The following APIP variants were observed in gnomAD, a reference collection of about 807,000 sequenced individuals.
APIP encodes the protein APAF1 interacting protein, also known as methylthioribulose-1-phosphate dehydratase.
In APIP, 32 loss-of-function variants were observed where a neutral mutation model predicts 32.0. The ratio of observed to expected loss-of-function variants is 1.00; its 90% CI spans 0.76 to 1.34. The LOEUF is 1.34. Among genes scored for constraint, APIP ranks in the 40% most tolerant of loss-of-function variants. The pLI is 0.00. For missense variants in APIP, 247 were observed against 298.6 expected (o/e 0.83, Z 1.27); for synonymous variants, 92 against 94.8 (o/e 0.97, Z 0.17).
intron 5 of APIP, among the ~76,000 whole-genome samples, chr11:34,884,733 A>ACC (rs1554979767): frequency 0.22 from 33,568 of 151,666 alleles, 4,858 homozygotes; most frequent in Non-Finnish European, 0.33. Context: ...CAAAAAAAAA[A>ACC]GAAAAAAGTA....
chr11:34,901,599 A>T (rs1409021040), intron 1 of APIP, among the ~76,000 whole-genome samples: 3 of 152,106 alleles, frequency 2.0e-5, no homozygotes, highest in African/African-American at 4.8e-5. Flanking sequence ...TTCTAACCTG[A>T]TATTTTTCTC....
At chr11:34,888,522 A>G in intron 4 of APIP, 94 bp from the exon 5 acceptor site, 2 of 1,529,080 alleles carry the variant, frequency 1.3e-6, no homozygotes, top group Non-Finnish European at 1.7e-6. Context: ...ATATTTACAT[A>G]TGGTTATGGG....
intron 1 of APIP, among the ~76,000 whole-genome samples, chr11:34,912,557 G>A (rs1487132103): frequency 6.6e-6 from 1 of 152,198 alleles, no homozygotes; most frequent in African/African-American, 2.4e-5. Flanking sequence ...AACATTTTGA[G>A]TCAGTGGGCT....
chr11:34,912,138 T>C (rs1295191830), intron 1 of APIP, among the ~76,000 whole-genome samples: 4 of 152,164 alleles, frequency 2.6e-5, no homozygotes, highest in African/African-American at 9.7e-5. Flanking sequence ...CAGAGATTAT[T>C]GTCATAAGCT....
chr11:34,911,111 T>C (rs79612114), intron 1 of APIP, among the ~76,000 whole-genome samples: 1 of 151,992 alleles, frequency 6.6e-6, no homozygotes, highest in African/African-American at 2.4e-5. Context: ...CACTAATTCA[T>C]ATAGTTGAAT....
chr11:34,905,241 G>A (rs187298156), intron 1 of APIP, among the ~76,000 whole-genome samples: 6 of 152,208 alleles, frequency 3.9e-5, no homozygotes, highest in Admixed American at 1.3e-4. Context: ...ACTTTTTATC[G>A]GACTTAGTAA....
intron 5 of APIP, among the ~76,000 whole-genome samples, chr11:34,887,738 T>C (rs563512197): frequency 6.6e-6 from 1 of 152,292 alleles, no homozygotes; most frequent in Admixed American, 6.5e-5. Context: ...TCTAGAATTA[T>C]GAAGAATTAC....
intron 1 of APIP, among the ~76,000 whole-genome samples, chr11:34,902,067 C>T (rs1442342322): frequency 6.6e-6 from 1 of 152,188 alleles, no homozygotes; most frequent in East Asian, 1.9e-4. Flanking sequence ...TCCAATGCAT[C>T]CAGTGGTACC....
At chr11:34,888,721 A>AT in intron 4 of APIP, 31 bp downstream of exon 4, 1 of 1,446,678 alleles carries the variant, frequency 6.9e-7, no homozygotes, top group Non-Finnish European at 9.3e-7. Flanking sequence ...CTCTGCAAAT[A>AT]TTCTTTATGT....
chr11:34,916,127 G>A (rs1853678446), intron 1 of APIP, 101 bp downstream of exon 1: 1 of 1,474,988 alleles, frequency 6.8e-7, no homozygotes, highest in Non-Finnish European at 9.1e-7. Flanking sequence ...CCGCCCCGCA[G>A]CTAAACGCCC....
At chr11:34,912,790 G>A (rs889432141) in intron 1 of APIP, among the ~76,000 whole-genome samples, 1 of 152,098 alleles carries the variant, frequency 6.6e-6, no homozygotes, top group East Asian at 1.9e-4. Context: ...GGCCTATTGC[G>A]GGATCTTGGG....
chr11:34,883,753 C>G (rs905739831), intron 5 of APIP, among the ~76,000 whole-genome samples: 2 of 151,990 alleles, frequency 1.3e-5, no homozygotes, highest in African/African-American at 4.8e-5. Flanking sequence ...GTAAAATATA[C>G]CAAAACCTAA....
At position 34,899,615 on chromosome 11, in the gene APIP, C is replaced by G. The variant is rs57726832; in HGVS notation, c.58-4505G>C. Among the ~76,000 whole-genome samples, 1,500 of 152,280 alleles carry G rather than the reference C, an allele frequency of 9.9e-3. 23 individuals carry two copies. The highest frequency in any genetic ancestry group is 0.034 in the African/African-American group (1,426 of 41,554). ...CCAATTACGTAGTTTTTCTTGAGAT[C>G]TGTTTTTTTTAGGGAGGTACACAGG... On this transcript the variant is annotated intron_variant, in intron 1 of 6. Transcript: ENST00000395787.
At chr11:34,913,143 G>A (rs183539631) in intron 1 of APIP, among the ~76,000 whole-genome samples, 38 of 152,280 alleles carry the variant, frequency 2.5e-4, no homozygotes, top group African/African-American at 9.1e-4. Context: ...CGGCTTCCTA[G>A]TCTGTCTCCA....
chr11:34,884,559 T>C (rs768920085), intron 5 of APIP, among the ~76,000 whole-genome samples: 4 of 152,000 alleles, frequency 2.6e-5, no homozygotes, highest in Non-Finnish European at 5.9e-5. Flanking sequence ...ACCCCATCTG[T>C]ACAAAAAATA....
chr11:34,884,652 G>A (rs1853028885), intron 5 of APIP, among the ~76,000 whole-genome samples: 1 of 152,084 alleles, frequency 6.6e-6, no homozygotes, highest in Non-Finnish European at 1.5e-5. Flanking sequence ...TTGAGCCTGG[G>A]AGGCGGAGGT....
chr11:34,913,257 C>T (rs1208105962), intron 1 of APIP, among the ~76,000 whole-genome samples: 3 of 152,226 alleles, frequency 2.0e-5, no homozygotes, highest in Admixed American at 6.5e-5. Context: ...ATTTGCTTAA[C>T]AGGCCCTTTA....
intron 1 of APIP, among the ~76,000 whole-genome samples, chr11:34,902,895 TA>T (rs1394354190): frequency 1.3e-5 from 2 of 152,286 alleles, no homozygotes; most frequent in African/African-American, 4.8e-5. Flanking sequence ...ATTTGGTGGC[TA>T]AAGGATGGCC....
intron 1 of APIP, 175 bp downstream of exon 1, chr11:34,916,053 C>T (rs904375023): frequency 7.3e-6 from 6 of 818,120 alleles, no homozygotes; most frequent in South Asian, 3.6e-5. Context: ...TGGGGCCTCG[C>T]AGCCTTGCTT....
Sources: allele counts gnomAD v4.1 joint callset (sites outside exome capture counted in the v4.1 genomes callset), GRCh38; gene constraint gnomAD v4.1.1; transcripts MANE v1.5; gene names NCBI Gene and HGNC (gene_info 2026-07-23, HGNC 2026-07-21).